The following COL23A1 variants were observed in gnomAD, a reference collection of about 807,000 sequenced individuals.
COL23A1 encodes collagen type XXIII alpha 1 chain, also known as collagen alpha-1(XXIII) chain.
COL23A1 carries 97 observed loss-of-function variants against 99.3 expected under a neutral mutation model. The observed-to-expected ratio is 0.98, with a 90% confidence interval of 0.83 to 1.16. The LOEUF (loss-of-function observed/expected upper bound fraction) is 1.16. Ranked by LOEUF, COL23A1 falls within the 50% of genes most tolerant of loss-of-function variation. The probability of loss-of-function intolerance (pLI) is 0.00; values close to 1 mark genes in which losing one functional copy is unlikely to be tolerated. For synonymous variants in COL23A1, 320 were observed against 308.2 expected (o/e 1.04, Z -0.40); for missense variants, 762 against 757.4 (o/e 1.01, Z -0.07).
At chr5:178,261,376 T>C (rs1390539199) in intron 11 of COL23A1, among the ~76,000 whole-genome samples, 1 of 151,826 alleles carries the variant, frequency 6.6e-6, no homozygotes, top group African/African-American at 2.4e-5. Context: ...ATCGTGCCAC[T>C]GCATTCCAGC....
chr5:178,318,589 A>G (rs1035247056), intron 2 of COL23A1, among the ~76,000 whole-genome samples: 1 of 152,072 alleles, frequency 6.6e-6, no homozygotes, highest in Non-Finnish European at 1.5e-5. Flanking sequence ...CAGGAAGGGG[A>G]GGGGTGGGGC....
In COL23A1 at chr5:178,296,046, T is replaced by C. The variant is rs550948504; in HGVS notation, c.407-5677A>G. Reference sequence around the variant, plus strand: ...TTTCACACCATTGGATATTTGTGTATAGCTCACTGAGTCAAAAGCGTCAAC... The same window carrying C: ...TTTCACACCATTGGATATTTGTGTACAGCTCACTGAGTCAAAAGCGTCAAC... On this transcript the variant is annotated intron_variant, in intron 3 of 28. Transcript: ENST00000390654. 2.6e-5 allele frequency among the ~76,000 whole-genome samples: 4 copies of C among 152,348 alleles called. No homozygotes were observed. In the South Asian group the frequency reaches 8.3e-4, roughly 32 times the overall value.
chr5:178,572,463 C>T (rs1048299299), intron 1 of COL23A1, among the ~76,000 whole-genome samples: 2 of 151,596 alleles, frequency 1.3e-5, no homozygotes, highest in Admixed American at 6.6e-5. Flanking sequence ...ATCAAGAAAA[C>T]GACACCAAGA....
intron 2 of COL23A1, among the ~76,000 whole-genome samples, chr5:178,555,496 G>C (rs1762222433): frequency 6.6e-6 from 1 of 152,212 alleles, no homozygotes; most frequent in Admixed American, 6.5e-5. Flanking sequence ...AGAGCTGAGA[G>C]AGGAGAGCGA....
intron 2 of COL23A1, among the ~76,000 whole-genome samples, chr5:178,534,492 G>T (rs780718812): frequency 1.3e-4 from 20 of 150,968 alleles, no homozygotes; most frequent in Non-Finnish European, 2.4e-4. Flanking sequence ...CAGAAATAGC[G>T]CACAGAGGCC....
chr5:178,345,640 C>T (rs1054417860), intron 2 of COL23A1, among the ~76,000 whole-genome samples: 16 of 151,914 alleles, frequency 1.1e-4, no homozygotes, highest in Non-Finnish European at 4.4e-5. Flanking sequence ...CCTCAGCCTC[C>T]CGAGTAGCTG....
chr5:178,409,018 A>ACACG lies in COL23A1; in HGVS notation c.362-102100_362-102099insCGTG, dbSNP rs1554161439. On this transcript the variant is annotated intron_variant, in intron 2 of 28. Transcript: ENST00000390654. Reference sequence around the variant, plus strand: ...CACACACACACACACACACACACACACACATCATGTGGCTGAACAATTGCA... The same window carrying ACACG: ...CACACACACACACACACACACACACACACGCACATCATGTGGCTGAACAATTGCA... Among the ~76,000 whole-genome samples, 476 of 119,096 alleles carry ACACG rather than the reference A, an allele frequency of 4.0e-3. 3 individuals are homozygous for ACACG. Among genetic ancestry groups the ACACG allele is most frequent in the African/African-American group, 8.7e-3 (308 of 35,276 alleles). 78.1% of individuals were successfully genotyped at this position (119,096 alleles called of 152,430 possible).
intron 2 of COL23A1, among the ~76,000 whole-genome samples, chr5:178,442,562 C>A (rs7726125): frequency 0.077 from 11,697 of 152,214 alleles, 1,029 homozygotes; most frequent in East Asian, 0.36. Flanking sequence ...GGAGCACCAG[C>A]GTGCTTCCTG....
chr5:178,273,273 C>T (rs1756398155), intron 5 of COL23A1, among the ~76,000 whole-genome samples: 1 of 152,202 alleles, frequency 6.6e-6, no homozygotes, highest in African/African-American at 2.4e-5. Context: ...CTGGAAGTGT[C>T]CACCGACTGG....
chr5:178,450,701 T>C (rs527929002), intron 2 of COL23A1, among the ~76,000 whole-genome samples: 6 of 152,222 alleles, frequency 3.9e-5, no homozygotes, highest in Non-Finnish European at 7.3e-5. Context: ...CCAGCTTTTG[T>C]TGAATATCAA....
intron 3 of COL23A1, among the ~76,000 whole-genome samples, chr5:178,304,716 G>A (rs113914617): frequency 9.9e-5 from 15 of 152,170 alleles, no homozygotes; most frequent in South Asian, 8.3e-4. Context: ...GCAGACAATC[G>A]GGACACCACA....
At chr5:178,311,164 C>G (rs10447306) in intron 2 of COL23A1, among the ~76,000 whole-genome samples, 9,914 of 152,256 alleles carry the variant, frequency 0.065, 398 homozygotes, top group Middle Eastern at 0.17. Flanking sequence ...ACAGTGGCAT[C>G]TGCAAAACTT....
intron 1 of COL23A1, among the ~76,000 whole-genome samples, chr5:178,585,597 G>A (rs13175706): frequency 4.7e-3 from 603 of 127,866 alleles, no homozygotes; most frequent in African/African-American, 8.4e-3. Flanking sequence ...ATGGCGCTGG[G>A]GTAACACTCC....
chr5:178,447,815 T>C (rs1427730022), intron 2 of COL23A1, among the ~76,000 whole-genome samples: 8 of 152,108 alleles, frequency 5.3e-5, no homozygotes, highest in African/African-American at 1.4e-4. Flanking sequence ...GGGTGTGAAG[T>C]AAGGCTGGTA....
chr5:178,257,971 G>A (rs1417533071), intron 12 of COL23A1, among the ~76,000 whole-genome samples: 3 of 152,312 alleles, frequency 2.0e-5, no homozygotes, highest in South Asian at 2.1e-4. Context: ...AGGTCAAGGC[G>A]GGAAGACTGC....
chr5:178,339,847 G>A (rs1198743498), intron 2 of COL23A1, among the ~76,000 whole-genome samples: 2 of 152,232 alleles, frequency 1.3e-5, no homozygotes, highest in African/African-American at 4.8e-5. Context: ...GGGGCTGGCA[G>A]AGAGAGGAAG....
At chr5:178,411,060 C>T (rs1204549823) in intron 2 of COL23A1, among the ~76,000 whole-genome samples, 1 of 152,150 alleles carries the variant, frequency 6.6e-6, no homozygotes, top group Non-Finnish European at 1.5e-5. Flanking sequence ...CACTATTAAT[C>T]ATGCAACACA....
chr5:178,339,465 C>T (rs1342626864), intron 2 of COL23A1, among the ~76,000 whole-genome samples: 8 of 152,348 alleles, frequency 5.3e-5, no homozygotes, highest in East Asian at 1.9e-4. Flanking sequence ...CATTGTGCTC[C>T]TGTTACTACA....
In COL23A1 at chr5:178,252,657, C is replaced by G. The variant is rs1194750578; in HGVS notation, c.961-60G>C. On this transcript the variant is annotated intron_variant, in intron 16 of 28. Transcript: ENST00000390654. ...GTTAGGCAGGGCCTCCCTTCGCTAC[C>G]CATCCAGCTCCCCACCTGGAATCAA... 2.1e-6 allele frequency: 3 copies of G among 1,416,292 alleles called. No individual in the cohort carries two copies. The South Asian group carries it at 3.7e-5, about 18-fold the overall frequency. 87.7% of individuals were successfully genotyped at this position (1,416,292 alleles called of 1,614,324 possible).
Sources: gnomAD v4.1 joint callset for allele counts (sites outside exome capture counted in the v4.1 genomes callset) on GRCh38, gnomAD v4.1.1 for gene constraint, MANE v1.5 for transcripts, NCBI Gene and HGNC (gene_info 2026-07-23, HGNC 2026-07-21) for gene names.